ANKRD44: variants seen among roughly 807,000 people sequenced by gnomAD.
ANKRD44 encodes ankyrin repeat domain 44, also known as serine/threonine-protein phosphatase 6 regulatory ankyrin repeat subunit B.
A neutral mutation model predicts 116.0 loss-of-function variants in ANKRD44; 35 were observed. That is an observed-to-expected ratio of 0.30 (90% CI 0.23 to 0.40). The LOEUF is 0.40. Ranked by LOEUF, ANKRD44 falls within the 10% of genes least tolerant of loss-of-function variation. The pLI is 1.00. For missense variants in ANKRD44, 1,014 were observed against 1,242.6 expected (o/e 0.82, Z 2.77); for synonymous variants, 435 against 461.8 (o/e 0.94, Z 0.74).
intron 10 of ANKRD44, among the ~76,000 whole-genome samples, chr2:197,097,457 T>C (rs2078187814): frequency 6.6e-6 from 1 of 152,204 alleles, no homozygotes; most frequent in Non-Finnish European, 1.5e-5. Flanking sequence ...AAGAGCGTAC[T>C]GAATCTTAGT....
intron 16 of ANKRD44, among the ~76,000 whole-genome samples, chr2:197,072,105 G>C (rs1045479570): frequency 1.4e-5 from 2 of 143,438 alleles, no homozygotes; most frequent in Non-Finnish European, 3.1e-5. Flanking sequence ...GAAGGAAAAG[G>C]AAGAAAGGAG....
intron 5 of ANKRD44, 118 bp from the exon 6 acceptor site, chr2:197,125,586 G>A: frequency 9.8e-7 from 1 of 1,024,542 alleles, no homozygotes; most frequent in Non-Finnish European, 1.5e-6. Context: ...CAGAGATCTG[G>A]AGTTCTGACA....
intron 8 of ANKRD44, among the ~76,000 whole-genome samples, chr2:197,112,391 G>T (rs1403074119): frequency 6.6e-6 from 1 of 152,202 alleles, no homozygotes; most frequent in African/African-American, 2.4e-5. Flanking sequence ...GCCCACGTCT[G>T]AATCACCCAG....
At chr2:196,993,966 GT>G (rs1559400767) in intron 26 of ANKRD44, among the ~76,000 whole-genome samples, 2 of 152,278 alleles carry the variant, frequency 1.3e-5, no homozygotes, top group Non-Finnish European at 2.9e-5. Flanking sequence ...GCTTTGTTGT[GT>G]TTTGCAGAAG....
intron 17 of ANKRD44, among the ~76,000 whole-genome samples, chr2:197,023,627 C>T (rs929596456): frequency 1.3e-5 from 2 of 152,172 alleles, no homozygotes; most frequent in African/African-American, 4.8e-5. Context: ...AGAAACTCTT[C>T]TCAGATTAGT....
chr2:197,044,648 C>T (rs576776067), intron 16 of ANKRD44, among the ~76,000 whole-genome samples: 36 of 152,198 alleles, frequency 2.4e-4, no homozygotes, highest in African/African-American at 7.9e-4. Flanking sequence ...TGTGAGCCAC[C>T]GCACCCAGAC....
chr2:197,013,627 G>A lies in ANKRD44; in HGVS notation c.1808C>T (p.Ala603Val). The change falls in exon 18 of 28, where the codon GCT becomes GTT. Residue 603 changes from alanine to valine, a missense_variant. Coordinates refer to ENST00000282272, the MANE Select transcript of ANKRD44 (RefSeq NM_001195144.2). ...LDIRDEKGRT[A>V]LDLAAFKGHT... is the part of the protein sequence containing the mutation. Reference sequence around the variant, plus strand: ...TCCTTTAAAGGCAGCCAGATCCAGAGCAGTGCGGCCTTTCTCATCCCTGAT... The same window carrying A: ...TCCTTTAAAGGCAGCCAGATCCAGAACAGTGCGGCCTTTCTCATCCCTGAT... 1 of 1,614,144 alleles carries A rather than the reference G, an allele frequency of 6.2e-7. No individual in the cohort carries two copies. The highest frequency in any genetic ancestry group is 8.5e-7 in the Non-Finnish European group (1 of 1,180,022).
At chr2:197,127,870 C>T (rs2079011595) in intron 4 of ANKRD44, among the ~76,000 whole-genome samples, 1 of 152,090 alleles carries the variant, frequency 6.6e-6, no homozygotes, top group Admixed American at 6.6e-5. Flanking sequence ...CTCACATGTC[C>T]CTCTGTTCTC....
chr2:196,993,430 A>T (rs567833055), intron 27 of ANKRD44, among the ~76,000 whole-genome samples, 153 bp downstream of exon 27: 1 of 152,228 alleles, frequency 6.6e-6, no homozygotes, highest in Non-Finnish European at 1.5e-5. Context: ...CAGACAGGAC[A>T]AGTTATCCTT....
intron 16 of ANKRD44, among the ~76,000 whole-genome samples, chr2:197,062,883 C>T (rs956364029): frequency 6.6e-6 from 1 of 152,228 alleles, no homozygotes; most frequent in Non-Finnish European, 1.5e-5. Context: ...GTAGACTCCA[C>T]CTCTGGGGGC....
intron 1 of ANKRD44, among the ~76,000 whole-genome samples, chr2:197,284,227 G>A (rs1454284696): frequency 2.0e-5 from 3 of 152,114 alleles, no homozygotes; most frequent in Non-Finnish European, 4.4e-5. Context: ...AACTGCACAA[G>A]GAGATGAAGA....
chr2:197,170,190 CAAA>C (rs71012960), intron 2 of ANKRD44, among the ~76,000 whole-genome samples: 3 of 119,750 alleles, frequency 2.5e-5, no homozygotes, highest in Admixed American at 8.5e-5. Flanking sequence ...ACCCTGTTTC[CAAA>C]AAAAAAAAAA....
Position 196,986,748 on chromosome 2 carries a change from C to T in ANKRD44, c.*2843G>A, listed in dbSNP as rs558505347. ...TATATTACAGTTAAGTACTTCATTA[C>T]GTTATTAGAGCATTCAGTAGTTGCA... On this transcript the variant is annotated 3_prime_UTR_variant, in exon 28 of 28. Transcript: ENST00000282272. The T allele has an allele frequency of 5.1e-6, 5 of 982,510 alleles. No individual in the cohort carries two copies. Among genetic ancestry groups the T allele is most frequent in the East Asian group, 2.3e-4 (2 of 8,798 alleles). The allele number at this position is 982,510 out of a possible 1,614,324, so 60.9% of individuals were successfully genotyped here. A position where few individuals can be genotyped will look rare whatever the true frequency, so the allele number is the denominator to read the frequency against.
At chr2:197,099,791 C>A in intron 10 of ANKRD44, 25 bp downstream of exon 10, 3 of 1,612,946 alleles carry the variant, frequency 1.9e-6, no homozygotes, top group Non-Finnish European at 2.5e-6. Context: ...GGCAATTATT[C>A]CACCGTATTT....
chr2:197,086,543 G>A, intron 13 of ANKRD44, 137 bp downstream of exon 13: 1 of 721,756 alleles, frequency 1.4e-6, no homozygotes, highest in South Asian at 1.9e-5. Context: ...TCTATGAGAA[G>A]GGACTTCCTT....
intron 2 of ANKRD44, among the ~76,000 whole-genome samples, chr2:197,153,749 A>C (rs2079725648): frequency 1.3e-5 from 2 of 152,212 alleles, no homozygotes; most frequent in Admixed American, 1.3e-4. Context: ...CTAGTTTAAA[A>C]AAATACTTTT....
chr2:197,127,595 C>G (rs763605896), intron 4 of ANKRD44, among the ~76,000 whole-genome samples: 15 of 151,932 alleles, frequency 9.9e-5, no homozygotes, highest in Non-Finnish European at 2.2e-4. Context: ...AAAAAAGAAA[C>G]TAATGTGGGG....
intron 24 of ANKRD44, 32 bp downstream of exon 24, chr2:196,998,875 A>G (rs1035914224): frequency 1.2e-6 from 2 of 1,608,426 alleles, no homozygotes; most frequent in South Asian, 1.1e-5. Flanking sequence ...TTGCATGGGC[A>G]TAAGGGCAAA....
intron 8 of ANKRD44, among the ~76,000 whole-genome samples, chr2:197,117,680 T>C: frequency 6.6e-6 from 1 of 151,810 alleles, no homozygotes; most frequent in South Asian, 2.1e-4. Context: ...CTTTGCCACA[T>C]TTCAATCCTT....
Sources: gnomAD v4.1 joint callset for allele counts (sites outside exome capture counted in the v4.1 genomes callset) on GRCh38, gnomAD v4.1.1 for gene constraint, MANE v1.5 for transcripts, NCBI Gene and HGNC (gene_info 2026-07-23, HGNC 2026-07-21) for gene names.